The following ERC1 variants were observed in gnomAD, a reference collection of about 807,000 sequenced individuals.
ERC1 encodes RAB6 interacting protein 2.
ERC1 carries 56 observed loss-of-function variants against 132.0 expected under a neutral mutation model. That is an observed-to-expected ratio of 0.42 (90% CI 0.34 to 0.53). ERC1 has a LOEUF of 0.53. ERC1 is among the 20% of genes least tolerant of loss of function. ERC1 has a pLI of 0.03. For missense variants in ERC1, 1,202 were observed against 1,349.9 expected (o/e 0.89, Z 1.72); for synonymous variants, 478 against 476.1 (o/e 1.00, Z -0.05).
intron 2 of ERC1, among the ~76,000 whole-genome samples, chr12:1,053,014 TTC>T (rs1972306869): frequency 6.6e-6 from 1 of 152,296 alleles, no homozygotes; most frequent in South Asian, 2.1e-4. Flanking sequence ...TATCCTGTTT[TTC>T]TGTTTGAATA....
At chr12:1,052,419 T>C (rs1299869764) in intron 2 of ERC1, among the ~76,000 whole-genome samples, 1 of 152,216 alleles carries the variant, frequency 6.6e-6, no homozygotes, top group Non-Finnish European at 1.5e-5. Flanking sequence ...TATGAATAAA[T>C]ATTGCCTTTT....
chr12:1,204,672 T>G (rs1452356872), intron 12 of ERC1, among the ~76,000 whole-genome samples: 2 of 151,948 alleles, frequency 1.3e-5, no homozygotes, highest in African/African-American at 4.8e-5. Context: ...ATCAGAAGAG[T>G]GTGTTCAGAT....
intron 2 of ERC1, among the ~76,000 whole-genome samples, chr12:1,039,375 TA>T (rs1969777293): frequency 6.9e-6 from 1 of 145,016 alleles, no homozygotes; most frequent in Admixed American, 6.9e-5. Flanking sequence ...AATAAATAAA[TA>T]AAAAATTAGC....
intron 2 of ERC1, among the ~76,000 whole-genome samples, chr12:1,031,914 C>A (rs191447648): frequency 1.3e-3 from 194 of 152,254 alleles, no homozygotes; most frequent in Non-Finnish European, 2.3e-3. Flanking sequence ...GATTGCCAGG[C>A]CTCCCTTCAT....
intron 8 of ERC1, among the ~76,000 whole-genome samples, chr12:1,171,731 GT>G (rs1953088100): frequency 6.6e-6 from 1 of 152,180 alleles, no homozygotes; most frequent in African/African-American, 2.4e-5. Flanking sequence ...TGCAAGAAGT[GT>G]TTTGAGCTGT....
intron 12 of ERC1, among the ~76,000 whole-genome samples, chr12:1,199,225 G>A (rs1344230492): frequency 6.7e-6 from 1 of 148,912 alleles, no homozygotes; most frequent in Non-Finnish European, 1.5e-5. Flanking sequence ...GTTGGGTGGG[G>A]ACAAACCACC....
At chr12:1,371,769 T>C in intron 15 of ERC1, 64 bp from the exon 16 acceptor site, 2 of 1,550,598 alleles carry the variant, frequency 1.3e-6, no homozygotes, top group Non-Finnish European at 1.7e-6. Context: ...GTACTGGTAA[T>C]AGTAACTCCA....
At chr12:1,004,816 G>C (rs1444903744) in intron 1 of ERC1, among the ~76,000 whole-genome samples, 3 of 36,534 alleles carry the variant, frequency 8.2e-5, no homozygotes, top group African/African-American at 1.8e-4. Flanking sequence ...CTGTGTGTGT[G>C]TGTGTGTGTG....
At chr12:1,339,068 C>T (rs1390836337) in intron 15 of ERC1, among the ~76,000 whole-genome samples, 1 of 152,240 alleles carries the variant, frequency 6.6e-6, no homozygotes, top group Non-Finnish European at 1.5e-5. Context: ...GCACGCTGGA[C>T]AACTGTGACA....
In ERC1 at chr12:1,180,828, T is replaced by G. The variant is rs1566165979; in HGVS notation, c.1875+151T>G. 3 of 898,184 alleles carry G rather than the reference T, an allele frequency of 3.3e-6. No homozygotes were observed. The South Asian group carries it at 5.4e-5, about 16-fold the overall frequency. The allele number at this position is 898,184 out of a possible 1,614,324, so 55.6% of individuals were successfully genotyped here. On this transcript the variant is annotated intron_variant, in intron 9 of 18. Coordinates refer to ENST00000360905, the MANE Select transcript of ERC1 (RefSeq NM_178040.4). The stretch of plus-strand genomic sequence containing the variant: ...CATACGTAGTGTGAAGGGAAACATT[T>G]TTTTTAGATGGAGTCTCACTCTGTG...
At chr12:1,399,125 A>T (rs1212043361) in intron 16 of ERC1, among the ~76,000 whole-genome samples, 1 of 148,228 alleles carries the variant, frequency 6.7e-6, no homozygotes, top group Non-Finnish European at 1.5e-5. Flanking sequence ...ATTTTTTTTT[A>T]TTTTTTTGTA....
intron 7 of ERC1, among the ~76,000 whole-genome samples, chr12:1,138,196 TA>T (rs1949510848): frequency 9.0e-6 from 1 of 110,732 alleles, no homozygotes; most frequent in Non-Finnish European, 1.7e-5. Flanking sequence ...CATATATAAT[TA>T]TATATGATAT....
Position 1,180,594 on chromosome 12 carries a change from A to C in ERC1, c.1792A>C (p.Lys598Gln). ...CAAGGAAAAGCAGATGAGCAGCTTG[A>C]AAGAACGGGTCAAATCCTTGCAGGC... ...RDKEKQMSSL[K>Q]ERVKSLQADT... The change falls in exon 9 of 19, where the codon AAA (lysine) becomes CAA (glutamine). Residue 598 changes from lysine to glutamine, a missense_variant. Coordinates refer to ENST00000360905, the MANE Select transcript of ERC1 (RefSeq NM_178040.4). 6.2e-7 allele frequency: 1 copy of C among 1,614,124 alleles called. No homozygotes were observed. Among genetic ancestry groups the C allele is most frequent in the South Asian group, 1.1e-5 (1 of 91,090 alleles).
intron 2 of ERC1, among the ~76,000 whole-genome samples, chr12:1,078,436 A>AT (rs11369509): frequency 0.97 from 142,399 of 146,972 alleles, 69,039 homozygotes; most frequent in Non-Finnish European, 0.99. Flanking sequence ...TAAATTCCTG[A>AT]TTTTTTTTTT....
intron 16 of ERC1, among the ~76,000 whole-genome samples, chr12:1,376,667 C>G (rs1290205379): frequency 2.6e-5 from 4 of 152,222 alleles, no homozygotes; most frequent in South Asian, 4.1e-4. Flanking sequence ...AGAACTGATT[C>G]TCTTCTCACT....
chr12:1,291,739 A>G lies in ERC1; in HGVS notation c.2780+1727A>G, dbSNP rs184953578. ...TTAATAGCTATTTTCCATTCCTAGC[A>G]TATATTAATGTAATTTTTGAGCGTC... On this transcript the variant is annotated intron_variant, in intron 15 of 18. Transcript: ENST00000360905. Among the ~76,000 whole-genome samples, 458 of 152,342 alleles carry G rather than the reference A, an allele frequency of 3.0e-3. 1 individual carries two copies. Among genetic ancestry groups the G allele is most frequent in the Non-Finnish European group, 4.1e-3 (282 of 68,036 alleles).
intron 2 of ERC1, among the ~76,000 whole-genome samples, chr12:1,064,130 C>T (rs1938608441): frequency 6.6e-6 from 1 of 152,056 alleles, no homozygotes; most frequent in South Asian, 2.1e-4. Flanking sequence ...TCTCTCCTGA[C>T]TTGTAAAGTT....
chr12:1,027,851 TTTGTTG>T lies in ERC1; in HGVS notation c.-40_-35del. 2 of 1,467,356 alleles carry T rather than the reference TTTGTTG, an allele frequency of 1.4e-6. No homozygotes were observed. The highest frequency in any genetic ancestry group is 1.9e-6 in the Non-Finnish European group (2 of 1,079,160). 90.9% of individuals were successfully genotyped at this position (1,467,356 alleles called of 1,614,324 possible). On this transcript the variant is annotated 5_prime_UTR_variant, in exon 2 of 19. Coordinates refer to ENST00000360905, the MANE Select transcript of ERC1 (RefSeq NM_178040.4). ...AGAGACACCTCACAAGGTTCCCATTTTTGTTGTTGTTGTTGTTGATTTTCTGCTCAC... is the reference window on the plus strand; with the variant it reads ...AGAGACACCTCACAAGGTTCCCATTTTTGTTGTTGTTGATTTTCTGCTCAC...
intron 3 of ERC1, among the ~76,000 whole-genome samples, chr12:1,084,100 G>C (rs1204941709): frequency 2.0e-5 from 3 of 152,210 alleles, no homozygotes; most frequent in Non-Finnish European, 4.4e-5. Flanking sequence ...GGCTGCCATG[G>C]AGGCATAGCT....
Sources: allele counts gnomAD v4.1 joint callset (sites outside exome capture counted in the v4.1 genomes callset), GRCh38; gene constraint gnomAD v4.1.1; transcripts MANE v1.5; gene names NCBI Gene and HGNC (gene_info 2026-07-23, HGNC 2026-07-21).